The following DNAH8 variants were observed in gnomAD, a reference collection of about 807,000 sequenced individuals.
DNAH8 encodes dynein axonemal heavy chain 8, also known as axonemal beta dynein heavy chain 8.
Under a neutral mutation model 562.1 loss-of-function variants are expected in DNAH8, and 382 were observed. That is an observed-to-expected ratio of 0.68 (90% CI 0.63 to 0.74). DNAH8 has a LOEUF of 0.74. DNAH8 is among the 30% of genes least tolerant of loss of function. DNAH8 has a pLI of 0.00. For synonymous variants in DNAH8, 1,881 were observed against 1,919.4 expected, an observed-to-expected ratio of 0.98 and a Z score of 0.52; for missense variants, 5,203 against 5,620.4, an observed-to-expected ratio of 0.93 and a Z score of 2.37.
chr6:39,004,011 A>G (rs549605911), intron 88 of DNAH8, among the ~76,000 whole-genome samples: 1 of 151,988 alleles, frequency 6.6e-6, no homozygotes, highest in African/African-American at 2.4e-5. Context: ...TTTGGAAATT[A>G]TGTACTCTGT....
intron 82 of DNAH8, among the ~76,000 whole-genome samples, chr6:38,965,487 C>G (rs1762909438): frequency 6.6e-6 from 1 of 151,976 alleles, no homozygotes; most frequent in South Asian, 2.1e-4. Flanking sequence ...ATTTTTCAAA[C>G]CTTTTAATGT....
intron 63 of DNAH8, among the ~76,000 whole-genome samples, chr6:38,907,742 G>A (rs939311156): frequency 3.3e-5 from 5 of 152,204 alleles, no homozygotes; most frequent in African/African-American, 4.8e-5. Flanking sequence ...AGCTATTGGA[G>A]CACAGGAGAA....
At chr6:39,001,020 G>A (rs542695015) in intron 88 of DNAH8, among the ~76,000 whole-genome samples, 5 of 152,226 alleles carry the variant, frequency 3.3e-5, no homozygotes, top group African/African-American at 1.2e-4. Context: ...AACAATCCAA[G>A]GAAGGGAATG....
chr6:39,002,667 C>T (rs1765564981), intron 88 of DNAH8, among the ~76,000 whole-genome samples: 1 of 152,096 alleles, frequency 6.6e-6, no homozygotes, highest in Admixed American at 6.5e-5. Flanking sequence ...AGGTTGCTCA[C>T]AGAAATAGTA....
At chr6:38,948,499 C>T (rs552058719) in intron 80 of DNAH8, among the ~76,000 whole-genome samples, 234 of 152,098 alleles carry the variant, frequency 1.5e-3, no homozygotes, top group African/African-American at 4.9e-3. Context: ...CCACCACGCC[C>T]GGCTAATTTT....
intron 82 of DNAH8, among the ~76,000 whole-genome samples, chr6:38,954,294 C>T (rs1446909750): frequency 6.6e-6 from 1 of 152,040 alleles, no homozygotes; most frequent in African/African-American, 2.4e-5. Flanking sequence ...CGAAAGAGAA[C>T]AAATACATAA....
At chr6:38,777,896 T>C (rs972038893) in intron 13 of DNAH8, among the ~76,000 whole-genome samples, 1 of 152,126 alleles carries the variant, frequency 6.6e-6, no homozygotes, top group African/African-American at 2.4e-5. Context: ...CAAAGAAAAA[T>C]GCTTGTAAGG....
At position 38,917,390 on chromosome 6, in the gene DNAH8, G is replaced by A. The variant is rs768405383; in HGVS notation, c.10292G>A (p.Trp3431Ter). 9.9e-6 allele frequency: 16 copies of A among 1,613,004 alleles called. No homozygotes were observed. Among genetic ancestry groups the A allele is most frequent in the Non-Finnish European group, 1.3e-5 (15 of 1,179,460 alleles). The change falls in exon 69 of 93, where the codon TGG (tryptophan) becomes TAG (stop). Residue 3431 changes from tryptophan (W) to a stop codon, truncating the protein, a stop_gained. Coordinates refer to ENST00000327475, the MANE Select transcript of DNAH8 (RefSeq NM_001206927.2). LOFTEE classifies it high-confidence loss of function. ...DPEKSCCKPS[W>*]GESLKLMSAT... ...GAAAAATCTTGCTGTAAGCCATCAT[G>A]GGGAGAGTCATTAAAGGTAAGTAAA...
intron 74 of DNAH8, among the ~76,000 whole-genome samples, chr6:38,928,386 T>C (rs959121514): frequency 1.3e-5 from 2 of 152,210 alleles, no homozygotes; most frequent in Non-Finnish European, 2.9e-5. Context: ...AAATTTAGTC[T>C]TACTGGTGCT....
intron 8 of DNAH8, among the ~76,000 whole-genome samples, chr6:38,749,177 G>A (rs1012460664): frequency 2.6e-5 from 4 of 152,124 alleles, no homozygotes; most frequent in Non-Finnish European, 5.9e-5. Context: ...ATACACCATG[G>A]AGTACTATAT....
rs2150469403 is a variant in DNAH8 at position 38,883,976 on chromosome 6, T to C, written c.8237T>C (p.Val2746Ala). Residue 2746 changes from valine to alanine, a missense_variant, in exon 56 of 93, where the codon GTG becomes GCG. Coordinates refer to ENST00000327475, the MANE Select transcript of DNAH8 (RefSeq NM_001206927.2). Reference protein sequence around the residue: ...TVFIDDINMPVINEWGDQITN... With the variant: ...TVFIDDINMPAINEWGDQITN... Reference sequence around the variant, plus strand: ...TTTATTGATGATATTAATATGCCTGTGATTAATGAGTGGGGAGATCAGGTA... The same window carrying C: ...TTTATTGATGATATTAATATGCCTGCGATTAATGAGTGGGGAGATCAGGTA... The C allele has an allele frequency of 6.4e-7, 1 of 1,573,304 alleles. No homozygotes were observed.
chr6:38,759,094 C>T (rs886732757), intron 10 of DNAH8, among the ~76,000 whole-genome samples: 22 of 151,954 alleles, frequency 1.4e-4, no homozygotes, highest in Admixed American at 7.9e-4. Flanking sequence ...CTGGAGCTCA[C>T]GAGTTTGAGA....
intron 29 of DNAH8, among the ~76,000 whole-genome samples, chr6:38,826,877 A>G (rs1185952357): frequency 6.6e-6 from 1 of 152,196 alleles, no homozygotes; most frequent in East Asian, 1.9e-4. Flanking sequence ...AGGAAACAGT[A>G]TGAGTTTTCT....
intron 13 of DNAH8, among the ~76,000 whole-genome samples, chr6:38,777,532 T>C (rs999951021): frequency 2.0e-5 from 3 of 152,228 alleles, no homozygotes; most frequent in African/African-American, 7.2e-5. Flanking sequence ...TTGCAAAGAA[T>C]GGTTCAGTTC....
chr6:38,778,176 A>G (rs1482442903), intron 13 of DNAH8, among the ~76,000 whole-genome samples: 2 of 152,190 alleles, frequency 1.3e-5, no homozygotes, highest in Non-Finnish European at 2.9e-5. Context: ...ATTTATAGAC[A>G]TCTTGCTTCT....
chr6:38,810,486 G>T (rs1771696361), intron 24 of DNAH8, among the ~76,000 whole-genome samples: 1 of 152,114 alleles, frequency 6.6e-6, no homozygotes, highest in African/African-American at 2.4e-5. Flanking sequence ...CAGCTGCTAG[G>T]GAGGCTGTGG....
chr6:38,919,376 C>T (rs1398218770), intron 70 of DNAH8, among the ~76,000 whole-genome samples: 1 of 152,080 alleles, frequency 6.6e-6, no homozygotes, highest in Non-Finnish European at 1.5e-5. Context: ...GCACACAGGG[C>T]CTTGTGTTAA....
chr6:38,983,603 C>T (rs1053105893), intron 86 of DNAH8, among the ~76,000 whole-genome samples: 12 of 152,130 alleles, frequency 7.9e-5, no homozygotes, highest in Non-Finnish European at 1.2e-4. Context: ...CCTTATTTCT[C>T]GTAACTCAAA....
chr6:39,018,019 G>T (rs1227649216), intron 91 of DNAH8, among the ~76,000 whole-genome samples: 1 of 152,170 alleles, frequency 6.6e-6, no homozygotes, highest in East Asian at 1.9e-4. Flanking sequence ...ACTGTTTGAT[G>T]AATGAGAGCT....
Sources: allele counts gnomAD v4.1 joint callset (sites outside exome capture counted in the v4.1 genomes callset), GRCh38; gene constraint gnomAD v4.1.1; transcripts MANE v1.5; gene names NCBI Gene and HGNC (gene_info 2026-07-23, HGNC 2026-07-21).